The following IMMP2L variants were observed in gnomAD, a reference collection of about 807,000 sequenced individuals.
IMMP2L encodes the protein inner mitochondrial membrane peptidase subunit 2.
In IMMP2L, 18 loss-of-function variants were observed where a neutral mutation model predicts 19.3. The ratio of observed to expected loss-of-function variants is 0.93; its 90% CI spans 0.64 to 1.38. The LOEUF is 1.38. IMMP2L is among the 40% of genes most tolerant of loss of function. The pLI, the probability that IMMP2L is intolerant of heterozygous loss-of-function variation, is 0.00. For missense variants in IMMP2L, 233 were observed against 218.2 expected, an observed-to-expected ratio of 1.07 and a Z score of -0.43; for synonymous variants, 76 against 73.0, an observed-to-expected ratio of 1.04 and a Z score of -0.21.
chr7:110,722,257 T>C (rs1795621624), intron 5 of IMMP2L, among the ~76,000 whole-genome samples: 1 of 152,118 alleles, frequency 6.6e-6, no homozygotes, highest in African/African-American at 2.4e-5. Flanking sequence ...GTAATAGCAG[T>C]GGGAACAGTA....
intron 3 of IMMP2L, among the ~76,000 whole-genome samples, chr7:111,342,792 T>G (rs1300022349): frequency 6.6e-6 from 1 of 152,030 alleles, no homozygotes. Context: ...CTAGCTAGCT[T>G]AAAATTTTTG....
intron 3 of IMMP2L, among the ~76,000 whole-genome samples, chr7:111,212,330 C>T (rs562925135): frequency 1.6e-4 from 25 of 152,206 alleles, no homozygotes; most frequent in African/African-American, 5.5e-4. Context: ...TAATTACGGC[C>T]GGATGCAGTG....
At chr7:111,289,009 G>C (rs1404188489) in intron 3 of IMMP2L, among the ~76,000 whole-genome samples, 1 of 152,084 alleles carries the variant, frequency 6.6e-6, no homozygotes. Context: ...CAAAGACTTG[G>C]AACCAACCCA....
rs139220577 is a variant in IMMP2L at position 111,268,454 on chromosome 7, G to C, written c.239+218784C>G. On this transcript the variant is annotated intron_variant, in intron 3 of 5. Transcript: ENST00000405709. ...AATGCCAAAGAGGTAAACTTGCTGGGTTTCAAAAATTTTGTTTTTGTCGTT... is the reference window on the plus strand; with the variant it reads ...AATGCCAAAGAGGTAAACTTGCTGGCTTTCAAAAATTTTGTTTTTGTCGTT... Among the ~76,000 whole-genome samples, 6 of 138,154 alleles carry C rather than the reference G, an allele frequency of 4.3e-5. No individual in the cohort carries two copies. The East Asian group carries it at 1.1e-3, about 25-fold the overall frequency. 90.6% of individuals were successfully genotyped at this position (138,154 alleles called of 152,430 possible).
At chr7:111,129,778 T>A (rs1410604370) in intron 3 of IMMP2L, among the ~76,000 whole-genome samples, 3 of 152,142 alleles carry the variant, frequency 2.0e-5, no homozygotes, top group Admixed American at 6.6e-5. Flanking sequence ...GGCCTAGATT[T>A]ACGTTATTCT....
chr7:110,951,497 T>C (rs1328067635), intron 4 of IMMP2L, among the ~76,000 whole-genome samples: 2 of 151,936 alleles, frequency 1.3e-5, no homozygotes, highest in Non-Finnish European at 2.9e-5. Flanking sequence ...TAAATGTTCA[T>C]TGTGTGTTAA....
At chr7:110,948,458 G>C (rs923995638) in intron 4 of IMMP2L, among the ~76,000 whole-genome samples, 66 of 152,284 alleles carry the variant, frequency 4.3e-4, no homozygotes, top group African/African-American at 1.5e-3. Flanking sequence ...AGCACAGTCA[G>C]AGCAAGCTAA....
chr7:111,328,335 A>G (rs1340392684), intron 3 of IMMP2L, among the ~76,000 whole-genome samples: 1 of 151,818 alleles, frequency 6.6e-6, no homozygotes, highest in Non-Finnish European at 1.5e-5. Context: ...ACATATTACA[A>G]TGAAATACAT....
At position 111,304,670 on chromosome 7, in the gene IMMP2L, ATGTGTGTGTGTGTGTGTGTGTGTG is replaced by A. The variant is rs147788856; in HGVS notation, c.239+182544_239+182567del. 4.8e-4 allele frequency among the ~76,000 whole-genome samples: 61 copies of A among 126,060 alleles called. 1 individual carries two copies. Among genetic ancestry groups the A allele is most frequent in the Admixed American group, 1.1e-3 (13 of 12,094 alleles). 82.7% of individuals were successfully genotyped at this position (126,060 alleles called of 152,430 possible). A position where few individuals can be genotyped will look rare whatever the true frequency, so the allele number is the denominator to read the frequency against. On this transcript the variant is annotated intron_variant, in intron 3 of 5. Transcript: ENST00000405709. ...GGGTGTTTATACATACACATATATA[ATGTGTGTGTGTGTGTGTGTGTGTG>A]TGTGTGTGTGTGTGTGTGTGTGTGG...
chr7:110,675,744 A>C (rs895912942), intron 5 of IMMP2L, among the ~76,000 whole-genome samples: 1 of 152,190 alleles, frequency 6.6e-6, no homozygotes, highest in African/African-American at 2.4e-5. Flanking sequence ...AAATAAGATA[A>C]TCACAAATGA....
intron 3 of IMMP2L, among the ~76,000 whole-genome samples, chr7:111,143,636 C>G (rs192857101): frequency 1.3e-5 from 2 of 152,074 alleles, no homozygotes; most frequent in Non-Finnish European, 2.9e-5. Context: ...TTTACAGGCA[C>G]CTCTTACTAA....
At chr7:111,090,388 TACAC>T (rs749097198) in intron 3 of IMMP2L, among the ~76,000 whole-genome samples, 1 of 151,830 alleles carries the variant, frequency 6.6e-6, no homozygotes, top group African/African-American at 2.4e-5. Flanking sequence ...ACATCCTAAA[TACAC>T]ACACACACTC....
rs2131227965 is a variant in IMMP2L, at chr7:110,803,803, T to A, written c.408+82790A>T. On this transcript the variant is annotated intron_variant, in intron 5 of 5. Coordinates refer to ENST00000405709, the MANE Select transcript of IMMP2L (RefSeq NM_032549.4). This position sits in a 1 kb window ranked among gnomAD's most constrained non-coding sequence, Gnocchi z 4.2. The stretch of plus-strand genomic sequence containing the variant: ...TCAGAGTTACCAGTAGTTTTCAAAG[T>A]ATGGTCCTGGAACCATCAGTATCTC... Among the ~76,000 whole-genome samples, 1 of 152,130 alleles carries A rather than the reference T, an allele frequency of 6.6e-6. No individual in the cohort carries two copies. Among genetic ancestry groups the A allele is most frequent in the Non-Finnish European group, 1.5e-5 (1 of 67,962 alleles).
intron 5 of IMMP2L, among the ~76,000 whole-genome samples, chr7:110,778,899 T>C (rs1269302182): frequency 6.6e-6 from 1 of 151,974 alleles, no homozygotes; most frequent in African/African-American, 2.4e-5. Context: ...TCTCTCACCA[T>C]GGCCAAAATC....
chr7:111,530,887 T>C (rs908020947), intron 1 of IMMP2L, among the ~76,000 whole-genome samples: 3 of 151,832 alleles, frequency 2.0e-5, no homozygotes, highest in Non-Finnish European at 4.4e-5. Context: ...CCATCTGAGA[T>C]AGCAAGAATG....
At chr7:111,414,053 C>A (rs1834722725) in intron 3 of IMMP2L, among the ~76,000 whole-genome samples, 1 of 151,658 alleles carries the variant, frequency 6.6e-6, no homozygotes, top group South Asian at 2.1e-4. Flanking sequence ...AGCAGTTTCC[C>A]GGAAAGTTTC....
chr7:111,337,600 C>T (rs972116511), intron 3 of IMMP2L, among the ~76,000 whole-genome samples: 3 of 151,136 alleles, frequency 2.0e-5, no homozygotes, highest in African/African-American at 7.3e-5. Context: ...CAAGTCTGAC[C>T]TCAAATTAGT....
intron 5 of IMMP2L, among the ~76,000 whole-genome samples, chr7:110,805,665 AG>A (rs1189601426): frequency 6.6e-6 from 1 of 152,044 alleles, no homozygotes; most frequent in Admixed American, 6.6e-5. Flanking sequence ...ATAAACTCTC[AG>A]GCCTATTAAG....
intron 1 of IMMP2L, among the ~76,000 whole-genome samples, chr7:111,529,553 A>G (rs1418589864): frequency 3.9e-5 from 6 of 152,172 alleles, no homozygotes; most frequent in Admixed American, 2.6e-4. Flanking sequence ...TTCTCAGGAA[A>G]GACCAAAATG....
Sources: gnomAD v4.1 joint callset for allele counts (sites outside exome capture counted in the v4.1 genomes callset) on GRCh38, gnomAD v4.1.1 for gene constraint, Gnocchi (gnomAD v3.1) non-coding constraint, MANE v1.5 for transcripts, NCBI Gene and HGNC (gene_info 2026-07-23, HGNC 2026-07-21) for gene names.